Variants in TXNDC9 observed in about 807,000 individuals in gnomAD.
TXNDC9 encodes the protein thioredoxin domain containing 9.
In TXNDC9, 7 loss-of-function variants were observed where a neutral mutation model predicts 23.0. The ratio of observed to expected loss-of-function variants is 0.30; its 90% CI spans 0.17 to 0.57. The LOEUF (loss-of-function observed/expected upper bound fraction) is 0.57. Among genes scored for constraint, TXNDC9 ranks in the 20% least tolerant of loss-of-function variants. The probability of loss-of-function intolerance (pLI) is 0.90; values close to 1 mark genes in which losing one functional copy is unlikely to be tolerated. For synonymous variants in TXNDC9, 72 were observed against 90.6 expected, an observed-to-expected ratio of 0.79 and a Z score of 1.17; for missense variants, 198 against 252.6, an observed-to-expected ratio of 0.78 and a Z score of 1.47.
chr2:99,331,079 T>C (rs1477003445), intron 2 of TXNDC9, among the ~76,000 whole-genome samples: 3 of 152,252 alleles, frequency 2.0e-5, no homozygotes, highest in Non-Finnish European at 2.9e-5. Context: ...ATTTAACGTA[T>C]GTTCATCACT....
chr2:99,318,070 T>C (rs2094193643), downstream of TXNDC9, among the ~76,000 whole-genome samples: 1 of 152,334 alleles, frequency 6.6e-6, no homozygotes, highest in African/African-American at 2.4e-5. Context: ...TTTAAACTTT[T>C]AGTAGAGACA....
At chr2:99,311,314 GTC>G in the TXNDC9 span, among the ~76,000 whole-genome samples, 3 of 151,928 alleles carry the variant, frequency 2.0e-5, no homozygotes, top group South Asian at 2.1e-4. Context: ...TTGAGGCAGG[GTC>G]TCTCTCTGTC....
At chr2:99,307,109 A>T in the TXNDC9 span, among the ~76,000 whole-genome samples, 43,181 of 86,858 alleles carry the variant, frequency 0.5, 9,043 homozygotes, top group Admixed American at 0.65. Context: ...TCTCCTTCTC[A>T]CTCTCTCTCT....
chr2:99,311,955 G>A, the TXNDC9 span, among the ~76,000 whole-genome samples: 2 of 125,706 alleles, frequency 1.6e-5, no homozygotes, highest in Non-Finnish European at 3.7e-5. Context: ...TAATAAAAAA[G>A]GAAAAATAAT....
At chr2:99,316,703 TAC>T (rs534585658), downstream of TXNDC9, among the ~76,000 whole-genome samples, 155 of 152,288 alleles carry the variant, frequency 1.0e-3, 1 homozygote, top group Non-Finnish European at 1.7e-3. Context: ...AATTTTTCAT[TAC>T]AGTTACTTTA....
In TXNDC9 at chr2:99,319,710, T is replaced by A. The variant is rs2094197096; in HGVS notation, c.653A>T (p.Lys218Ile). 1.2e-5 allele frequency: 19 copies of A among 1,602,546 alleles called. No individual in the cohort carries two copies. Among genetic ancestry groups the A allele is most frequent in the Non-Finnish European group, 1.6e-5 (19 of 1,176,820 alleles). Residue 218 changes from lysine to isoleucine, a missense_variant, in exon 5 of 5, where the codon AAA becomes ATA. Physicochemically the swap from Lys to Ile is moderately radical, Grantham distance 102. Transcript: ENST00000264255. ...ATCATCATCAGAGTCTGAATCATAT[T>A]TCTTTCCTCGGATAGTTTTCTTTTC... Reference protein sequence around the residue: ...KLEKKTIRGKKYDSDSDDD With the variant: ...KLEKKTIRGKIYDSDSDDD
chr2:99,322,490 T>A, intron 3 of TXNDC9: 1 of 1,403,370 alleles, frequency 7.1e-7, no homozygotes, highest in Non-Finnish European at 9.4e-7. Context: ...TAAAGGAAGT[T>A]GTCCTATCTC....
At position 99,333,014 on chromosome 2, in the gene TXNDC9, G is replaced by C. The variant is rs187417817; in HGVS notation, c.189+8C>G. The C allele has an allele frequency of 1.9e-6, 3 of 1,609,206 alleles. No individual in the cohort carries two copies. Among genetic ancestry groups the C allele is most frequent in the South Asian group, 1.1e-5 (1 of 90,944 alleles). On this transcript the variant is annotated splice_region_variant and intron_variant, in intron 2 of 4. Coordinates refer to ENST00000264255, the MANE Select transcript of TXNDC9 (RefSeq NM_005783.4). ...TAGCAATTTCAGAAAGCAGGGCAGA[G>C]AGGTTACTTGTTTCTGCTGTTGAGC... is the stretch of plus-strand genomic sequence containing the variant.
At chr2:99,312,496 C>CAA in the TXNDC9 span, among the ~76,000 whole-genome samples, 9 of 61,282 alleles carry the variant, frequency 1.5e-4, no homozygotes, top group Non-Finnish European at 1.7e-4. Flanking sequence ...GACTCCGTCT[C>CAA]AAAAAAAAAA....
chr2:99,315,608 C>T (rs2094187494), downstream of TXNDC9, among the ~76,000 whole-genome samples: 1 of 152,130 alleles, frequency 6.6e-6, no homozygotes, highest in South Asian at 2.1e-4. Flanking sequence ...TGAAGATTTA[C>T]CCTTAGATAT....
At chr2:99,334,747 C>T (rs2094234608) in intron 1 of TXNDC9, among the ~76,000 whole-genome samples, 1 of 152,072 alleles carries the variant, frequency 6.6e-6, no homozygotes, top group Admixed American at 6.5e-5. Context: ...GAGTCTCGCT[C>T]TGTCGCCCAG....
chr2:99,331,101 G>C (rs1046294140), intron 2 of TXNDC9, among the ~76,000 whole-genome samples: 2 of 152,162 alleles, frequency 1.3e-5, no homozygotes, highest in Non-Finnish European at 2.9e-5. Flanking sequence ...CAAATCAGGT[G>C]AATTCAGTCT....
intron 1 of TXNDC9, among the ~76,000 whole-genome samples, chr2:99,335,158 A>G (rs1381279511): frequency 1.3e-5 from 2 of 152,240 alleles, no homozygotes; most frequent in African/African-American, 4.8e-5. Context: ...AGGCTGTTGC[A>G]TATCAATGAA....
chr2:99,319,884 C>T (rs1277084537), intron 4 of TXNDC9, 85 bp from the exon 5 acceptor site: 19 of 818,158 alleles, frequency 2.3e-5, no homozygotes, highest in Non-Finnish European at 1.9e-6. Context: ...TGTTTTCTTC[C>T]TGTAACATAG....
rs530148875 is a variant in TXNDC9 at position 99,334,444 on chromosome 2, T to C, written c.-32-1202A>G. ...GATTTTGATATTGTTTCAAACATTA[T>C]AGACTATTTACACAAACCCAGATGG... is the stretch of plus-strand genomic sequence containing the variant. On this transcript the variant is annotated intron_variant, in intron 1 of 4. Coordinates refer to ENST00000264255, the MANE Select transcript of TXNDC9 (RefSeq NM_005783.4). Among the ~76,000 whole-genome samples, 89 of 152,334 alleles carry C rather than the reference T, an allele frequency of 5.8e-4. 4 individuals carry two copies. In the South Asian group the frequency reaches 0.016, roughly 28 times the overall value.
chr2:99,328,060 G>C (rs139386489), intron 2 of TXNDC9, among the ~76,000 whole-genome samples: 1 of 151,884 alleles, frequency 6.6e-6, no homozygotes, highest in Non-Finnish European at 1.5e-5. Flanking sequence ...TGGGATTATA[G>C]GTGTGAGCCA....
chr2:99,322,497 T>C, intron 3 of TXNDC9: 2 of 1,430,626 alleles, frequency 1.4e-6, no homozygotes, highest in African/African-American at 1.4e-5. Flanking sequence ...AGTTGTCCTA[T>C]CTCCTACACA....
At chr2:99,310,217 T>C in the TXNDC9 span, among the ~76,000 whole-genome samples, 2 of 152,252 alleles carry the variant, frequency 1.3e-5, no homozygotes, top group African/African-American at 4.8e-5. Context: ...AACACATCCA[T>C]GGCAGTGCCA....
rs1381591867 is a variant in TXNDC9, at chr2:99,321,812, AC to A, written c.563+142del. On this transcript the variant is annotated intron_variant, in intron 4 of 4. Transcript: ENST00000264255. ...CGCTAATATTACACACTTCAAAAAA[AC>A]ATGCTTTTCCTTTGAGAAACTTTCC... is the stretch of plus-strand genomic sequence containing the variant. 21 of 958,530 alleles carry A rather than the reference AC, an allele frequency of 2.2e-5. No homozygotes were observed. The South Asian group carries it at 3.6e-4, about 16-fold the overall frequency. 59.4% of individuals were successfully genotyped at this position (958,530 alleles called of 1,614,324 possible). A position where few individuals can be genotyped will look rare whatever the true frequency, so the allele number is the denominator to read the frequency against.
Sources: allele counts gnomAD v4.1 joint callset (sites outside exome capture counted in the v4.1 genomes callset), GRCh38; gene constraint gnomAD v4.1.1; transcripts MANE v1.5; gene names NCBI Gene and HGNC (gene_info 2026-07-23, HGNC 2026-07-21).